Variants in STARD3 observed in about 807,000 individuals in gnomAD.
STARD3 encodes StAR related lipid transfer domain containing 3, also known as stAR-related lipid transfer protein 3.
A neutral mutation model predicts 62.0 loss-of-function variants in STARD3; 39 were observed. The observed-to-expected ratio is 0.63, with a 90% confidence interval of 0.49 to 0.82. STARD3 has a LOEUF of 0.82. Ranked by LOEUF, STARD3 falls within the 40% of genes least tolerant of loss-of-function variation. The probability of loss-of-function intolerance (pLI) is 0.00; values close to 1 mark genes in which losing one functional copy is unlikely to be tolerated. For synonymous variants in STARD3, 229 were observed against 242.4 expected (o/e 0.94, Z 0.51); for missense variants, 543 against 584.5 (o/e 0.93, Z 0.73).
rs746586634 is a variant in STARD3, at chr17:39,659,505, G to A, written c.747G>A (p.Val249=). The change falls in exon 9 of 15, where the codon GTG becomes GTA. Residue 249 remains valine, a synonymous_variant. Coordinates refer to ENST00000336308, the MANE Select transcript of STARD3 (RefSeq NM_006804.4). ...IRQGKEATAV[V]DQILAQEENW... ...AGGGGAAGGAGGCCACGGCAGTGGTGGACCAGATCTTGGCCCAGGAAGAGA... is the reference window on the plus strand; with the variant it reads ...AGGGGAAGGAGGCCACGGCAGTGGTAGACCAGATCTTGGCCCAGGAAGAGA... 31 of 1,614,032 alleles carry A rather than the reference G, an allele frequency of 1.9e-5. No individual in the cohort carries two copies. Among genetic ancestry groups the A allele is most frequent in the Non-Finnish European group, 2.5e-5 (29 of 1,180,024 alleles).
chr17:39,658,300 G>A, intron 5 of STARD3, 105 bp from the exon 6 acceptor site: 2 of 1,077,056 alleles, frequency 1.9e-6, no homozygotes, highest in South Asian at 2.8e-5. Flanking sequence ...CTGCTACCAG[G>A]AATGGGGTGT....
chr17:39,654,471 G>C (rs1266953111), intron 2 of STARD3, among the ~76,000 whole-genome samples: 1 of 152,246 alleles, frequency 6.6e-6, no homozygotes, highest in African/African-American at 2.4e-5. Context: ...AGTTCCCAGT[G>C]GCTCTAATGA....
intron 2 of STARD3, among the ~76,000 whole-genome samples, chr17:39,654,840 A>G (rs888692934): frequency 6.6e-6 from 1 of 152,258 alleles, no homozygotes; most frequent in African/African-American, 2.4e-5. Context: ...ATGAGCTCAG[A>G]GAAGGGGCCA....
chr17:39,645,354 G>A (rs1373159273), intron 1 of STARD3, among the ~76,000 whole-genome samples: 1 of 152,226 alleles, frequency 6.6e-6, no homozygotes, highest in Non-Finnish European at 1.5e-5. Context: ...CACACAGCAG[G>A]TGAATTGTAG....
rs987293212 is a variant in STARD3 at position 39,660,691 on chromosome 17, C to T, written c.955-119C>T. 6.5e-6 allele frequency: 9 copies of T among 1,374,172 alleles called. No homozygotes were observed. Among genetic ancestry groups the T allele is most frequent in the Non-Finnish European group, 8.1e-6 (8 of 987,704 alleles). 85.1% of individuals were successfully genotyped at this position (1,374,172 alleles called of 1,614,324 possible). On this transcript the variant is annotated intron_variant, in intron 11 of 14. Transcript: ENST00000336308. This position sits in a 1 kb window ranked among gnomAD's most constrained non-coding sequence, Gnocchi z 4.8. ...GGAGGAGGGCAGGAGGAGTGCTCAT[C>T]AGGCGCTGCCCAGGGCCTGCCTGTG...
chr17:39,654,652 G>T (rs2057110355), intron 2 of STARD3, among the ~76,000 whole-genome samples: 1 of 152,138 alleles, frequency 6.6e-6, no homozygotes. Flanking sequence ...GCTCAGTTCT[G>T]TCCCAGCTCC....
rs762880260 is a variant in STARD3 at position 39,656,977 on chromosome 17, C to T, written c.220-31C>T. ...GGCAGCCCCAGGCCCTTGCTTCTAC[C>T]TGCAGAGCTCTTCCTGTCTCCCTCT... On this transcript the variant is annotated intron_variant, in intron 2 of 14. Transcript: ENST00000336308. 4 of 1,612,530 alleles carry T rather than the reference C, an allele frequency of 2.5e-6. No individual in the cohort carries two copies. In the East Asian group the frequency reaches 6.7e-5, roughly 27 times the overall value.
At chr17:39,645,406 A>G (rs2057016511) in intron 1 of STARD3, among the ~76,000 whole-genome samples, 1 of 152,160 alleles carries the variant, frequency 6.6e-6, no homozygotes, top group Non-Finnish European at 1.5e-5. Flanking sequence ...GATTTTTATT[A>G]CATGTCACTA....
intron 13 of STARD3, 90 bp downstream of exon 13, chr17:39,661,175 T>G: frequency 1.7e-6 from 2 of 1,187,594 alleles, no homozygotes; most frequent in Non-Finnish European, 2.4e-6. Flanking sequence ...AGCTGGGCAC[T>G]TCCCCTGCTG....
Position 39,660,237 on chromosome 17 carries a change from T to G in STARD3, c.822T>G (p.Ile274Met). Residue 274 changes from isoleucine to methionine, a missense_variant, in exon 10 of 15, where the codon ATT (isoleucine) becomes ATG (methionine). Physicochemically the swap from Ile to Met is conservative, Grantham distance 10 (BLOSUM62 1). Transcript: ENST00000336308. This position sits in a 1 kb window ranked among gnomAD's most constrained non-coding sequence, Gnocchi z 4.8. ...NNEYGDTVYT[I>M]EVPFHGKTFI... ...AATATGGGGACACCGTGTACACCAT[T>G]GAAGTTCCCTTTCACGGCAAGACGT... 1 of 1,614,020 alleles carries G rather than the reference T, an allele frequency of 6.2e-7. No homozygotes were observed. Among genetic ancestry groups the G allele is most frequent in the South Asian group, 1.1e-5 (1 of 91,066 alleles).
chr17:39,652,181 G>A (rs908079709), intron 1 of STARD3, among the ~76,000 whole-genome samples: 5 of 152,160 alleles, frequency 3.3e-5, no homozygotes, highest in African/African-American at 1.2e-4. Flanking sequence ...TAGAGCACTG[G>A]GCTGGCCTCC....
At chr17:39,642,686 G>A (rs2056992058) in intron 1 of STARD3, among the ~76,000 whole-genome samples, 1 of 152,160 alleles carries the variant, frequency 6.6e-6, no homozygotes, top group South Asian at 2.1e-4. Flanking sequence ...TATGTCAGGG[G>A]TGACAAGTGC....
chr17:39,649,096 A>G (rs1260836327), intron 1 of STARD3, among the ~76,000 whole-genome samples: 3 of 152,226 alleles, frequency 2.0e-5, no homozygotes, highest in Non-Finnish European at 4.4e-5. Context: ...AGAAAGACTC[A>G]TAAATGGGAG....
intron 13 of STARD3, 149 bp from the exon 14 acceptor site, chr17:39,662,101 TA>T: frequency 1.5e-6 from 1 of 682,760 alleles, no homozygotes. Context: ...ACACCTGTGC[TA>T]AGCCTTGTTC....
intron 1 of STARD3, among the ~76,000 whole-genome samples, chr17:39,639,392 A>G (rs2056963338): frequency 6.6e-6 from 1 of 152,262 alleles, no homozygotes; most frequent in Admixed American, 6.5e-5. Context: ...CATTAAATCT[A>G]GAGAAATGTA....
chr17:39,657,832 C>A lies in STARD3; in HGVS notation c.355C>A (p.Arg119=). 1 of 1,614,206 alleles carries A rather than the reference C, an allele frequency of 6.2e-7. No individual in the cohort carries two copies. The highest frequency in any genetic ancestry group is 8.5e-7 in the Non-Finnish European group (1 of 1,180,032). ...CCTAGGCTATGCCGTGCTGCGGCTC[C>A]GGCACTGGTGGGTGATTGCGGTAAG... ...LLLGYAVLRL[R]HWWVIAVTTL... is the part of the protein sequence containing the mutation. The change falls in exon 4 of 15, where the codon CGG becomes AGG. Residue 119 remains arginine, a synonymous_variant. Coordinates refer to ENST00000336308, the MANE Select transcript of STARD3 (RefSeq NM_006804.4).
At chr17:39,644,345 A>C (rs748050084) in intron 1 of STARD3, among the ~76,000 whole-genome samples, 2 of 152,068 alleles carry the variant, frequency 1.3e-5, no homozygotes, top group Non-Finnish European at 2.9e-5. Context: ...GGAGACTCGA[A>C]GTGGTGGTGG....
chr17:39,657,975 C>G lies in STARD3; in HGVS notation c.378C>G (p.Val126=). Residue 126 remains valine (V), a splice_region_variant and synonymous_variant, in exon 5 of 15, where the codon GTC becomes GTG. Transcript: ENST00000336308. ...LRLRHWWVIA[V]TTLVSSAFLI... is the part of the protein sequence containing the mutation. ...TCCTCCCTCCCTCCCCTGGGCAGGT[C>G]ACGACGCTGGTGTCCAGTGCATTCC... The G allele has an allele frequency of 6.3e-7, 1 of 1,587,014 alleles. No individual in the cohort carries two copies. The highest frequency in any genetic ancestry group is 8.6e-7 in the Non-Finnish European group (1 of 1,166,516).
At chr17:39,646,095 T>C (rs555653302) in intron 1 of STARD3, among the ~76,000 whole-genome samples, 2 of 152,132 alleles carry the variant, frequency 1.3e-5, no homozygotes, top group Non-Finnish European at 2.9e-5. Context: ...TTTTGCCATG[T>C]TGGCCAGGCT....
Sources: gnomAD v4.1 joint callset for allele counts (sites outside exome capture counted in the v4.1 genomes callset) on GRCh38, gnomAD v4.1.1 for gene constraint, Gnocchi (gnomAD v3.1) non-coding constraint, MANE v1.5 for transcripts, NCBI Gene and HGNC (gene_info 2026-07-23, HGNC 2026-07-21) for gene names.